The following VWF variants were observed in gnomAD, a reference collection of about 807,000 sequenced individuals.
VWF encodes the protein Factor VIII related antigen.
In VWF, 176 loss-of-function variants were observed where a neutral mutation model predicts 308.6. The ratio of observed to expected loss-of-function variants is 0.57; its 90% CI spans 0.50 to 0.65. The LOEUF is 0.65. Ranked by LOEUF, VWF falls within the 30% of genes least tolerant of loss-of-function variation. The probability of loss-of-function intolerance (pLI) is 0.00; values close to 1 mark genes in which losing one functional copy is unlikely to be tolerated. For synonymous variants in VWF, 1,385 were observed against 1,443.4 expected, an observed-to-expected ratio of 0.96 and a Z score of 0.92; for missense variants, 3,146 against 3,648.2, an observed-to-expected ratio of 0.86 and a Z score of 3.55.
rs368896272 is a variant in VWF at position 6,064,343 on chromosome 12, G to A, written c.1335C>T (p.Thr445=). Residue 445 remains threonine (T), a synonymous_variant, in exon 12 of 52, where the codon ACC becomes ACT. Coordinates refer to ENST00000261405, the MANE Select transcript of VWF (RefSeq NM_000552.5). ...DRDAVCTRSV[T]VRLPGLHNSL... ...TGTTGTGCAGGCCAGGCAGCCGGAC[G>A]GTGACGGAGCGGGTGCACACAGCGT... 9 of 1,614,022 alleles carry A rather than the reference G, an allele frequency of 5.6e-6. No individual in the cohort carries two copies. Among genetic ancestry groups the A allele is most frequent in the Admixed American group, 3.3e-5 (2 of 60,006 alleles).
At chr12:6,056,772 A>AC in intron 15 of VWF, 85 bp downstream of exon 15, 1 of 1,192,180 alleles carries the variant, frequency 8.4e-7, no homozygotes, top group South Asian at 2.3e-5. Flanking sequence ...TCCACAGGAA[A>AC]CAACGCAGAG....
At chr12:6,002,841 A>G (rs1199764542) in intron 34 of VWF, among the ~76,000 whole-genome samples, 2 of 152,030 alleles carry the variant, frequency 1.3e-5, no homozygotes, top group Admixed American at 6.5e-5. Context: ...TTTAACACCA[A>G]TATCTAAACC....
chr12:6,021,821 C>T, intron 27 of VWF, 79 bp downstream of exon 27: 1 of 1,592,144 alleles, frequency 6.3e-7, no homozygotes, highest in Non-Finnish European at 8.6e-7. Flanking sequence ...GGACTTTTTA[C>T]CCAAAACCTA....
chr12:6,055,760 A>G (rs866398191), intron 15 of VWF, among the ~76,000 whole-genome samples: 1 of 76,002 alleles, frequency 1.3e-5, no homozygotes, highest in African/African-American at 4.6e-5. Flanking sequence ...ATATATATGT[A>G]TACACACACA....
intron 6 of VWF, among the ~76,000 whole-genome samples, chr12:6,077,461 G>A (rs1250674427): frequency 6.6e-6 from 1 of 152,230 alleles, no homozygotes; most frequent in Non-Finnish European, 1.5e-5. Context: ...CCACGGCCCT[G>A]CCTTGCCCAA....
chr12:6,036,291 G>C (rs1451562527), intron 19 of VWF, 97 bp downstream of exon 19: 29 of 1,036,648 alleles, frequency 2.8e-5, no homozygotes, highest in Non-Finnish European at 4.1e-5. Context: ...GTTCCCACAG[G>C]GGGCTGGAGG....
In VWF at chr12:6,064,387, G is replaced by T; in HGVS notation, c.1294-3C>A. On this transcript the variant is annotated splice_region_variant and splice_polypyrimidine_tract_variant and intron_variant, in intron 11 of 51. Transcript: ENST00000261405. ...ACAGCGTCGCGGTCATCAGCACACT[G>T]CCAAGAGGGAACACAGGGTGACTTT... 6.2e-7 allele frequency: 1 copy of T among 1,614,016 alleles called. No homozygotes were observed. Among genetic ancestry groups the T allele is most frequent in the Non-Finnish European group, 8.5e-7 (1 of 1,180,020 alleles).
chr12:5,994,133 T>C lies in VWF; in HGVS notation c.6327A>G (p.Thr2109=). 6.2e-7 allele frequency: 1 copy of C among 1,614,174 alleles called. No homozygotes were observed. Among genetic ancestry groups the C allele is most frequent in the Non-Finnish European group, 8.5e-7 (1 of 1,180,034 alleles). Residue 2109 remains threonine (T), a synonymous_variant, in exon 37 of 52, where the codon ACA becomes ACG. Transcript: ENST00000261405. ...GCTGCACAGTCCATTCCTGAACAAG[T>C]GTTTTCCAGTCTGTGGTGACTGTGC... ...RDGTVTTDWK[T]LVQEWTVQRP... is the part of the protein sequence containing the mutation.
At position 5,954,141 on chromosome 12, in the gene VWF, C is replaced by T. The variant is rs148008119; in HGVS notation, c.7888-547G>A. 3.2e-3 allele frequency among the ~76,000 whole-genome samples: 484 copies of T among 152,338 alleles called. 7 individuals carry two copies. Among genetic ancestry groups the T allele is most frequent in the Admixed American group, 0.029 (443 of 15,310 alleles). On this transcript the variant is annotated intron_variant, in intron 47 of 51. Transcript: ENST00000261405. ...TTCATCATTGAGTCTAAATAACCAT[C>T]ATCTACCAGGGACTCTGGTAATAGT...
intron 3 of VWF, among the ~76,000 whole-genome samples, chr12:6,111,180 T>C (rs908512359): frequency 5.9e-5 from 9 of 152,224 alleles, no homozygotes; most frequent in Admixed American, 3.3e-4. Context: ...TCTGGATACA[T>C]TGCCCTCAGG....
intron 49 of VWF, 138 bp downstream of exon 49, chr12:5,952,253 T>C: frequency 8.1e-7 from 1 of 1,240,440 alleles, no homozygotes; most frequent in Non-Finnish European, 1.2e-6. Context: ...GATTTCGTAA[T>C]CTCACTGATT....
intron 3 of VWF, among the ~76,000 whole-genome samples, chr12:6,111,433 T>C (rs2136523311): frequency 6.6e-6 from 1 of 152,320 alleles, no homozygotes; most frequent in South Asian, 2.1e-4. Flanking sequence ...GGTGCAGTGA[T>C]GTGAACATGG....
intron 5 of VWF, among the ~76,000 whole-genome samples, chr12:6,107,125 C>A (rs1271722151): frequency 6.6e-6 from 1 of 152,030 alleles, no homozygotes; most frequent in Admixed American, 6.6e-5. Flanking sequence ...TAACCTCTCA[C>A]GGACCATGTT....
chr12:6,067,836 A>T (rs563666054), intron 10 of VWF, among the ~76,000 whole-genome samples: 65 of 152,302 alleles, frequency 4.3e-4, no homozygotes, highest in Non-Finnish European at 7.4e-4. Context: ...GCATTTAAAA[A>T]AAAAAGAGCA....
intron 34 of VWF, 99 bp from the exon 35 acceptor site, chr12:5,996,321 T>A: frequency 9.1e-7 from 1 of 1,099,914 alleles, no homozygotes. Flanking sequence ...CACAGATAAA[T>A]ACAGTAGAGA....
In VWF at chr12:6,020,516, C is replaced by T. The variant is rs1247667741; in HGVS notation, c.3675-773G>A. On this transcript the variant is annotated intron_variant, in intron 27 of 51. Transcript: ENST00000261405. The surrounding 1 kb of genome is among the most constrained non-coding windows in gnomAD (Gnocchi z 4.3). ...CACAAGTCTGTAGTAGAGCAGTGGC[C>T]CCCCACACACAAATTCCTACACTAC... 6.6e-6 allele frequency among the ~76,000 whole-genome samples: 1 copy of T among 152,226 alleles called. No homozygotes were observed. The highest frequency in any genetic ancestry group is 1.5e-5 in the Non-Finnish European group (1 of 68,046).
rs1268317199 is a variant in VWF, at chr12:6,058,070, G to A, written c.1534-26C>T. 6.2e-6 allele frequency: 10 copies of A among 1,612,626 alleles called. No individual in the cohort carries two copies. The highest frequency in any genetic ancestry group is 2.2e-5 in the East Asian group (1 of 44,874). ...CTGCAGGAGAGACCAGGCCACTCTG[G>A]AGCCGCTGCCGCGAAAGCAGCGGCA... is the stretch of plus-strand genomic sequence containing the variant. On this transcript the variant is annotated intron_variant, in intron 13 of 51. Coordinates refer to ENST00000261405, the MANE Select transcript of VWF (RefSeq NM_000552.5). The surrounding 1 kb of genome is among the most constrained non-coding windows in gnomAD (Gnocchi z 4.9).
At chr12:6,103,829 G>T (rs1163935633) in intron 5 of VWF, among the ~76,000 whole-genome samples, 6 of 151,948 alleles carry the variant, frequency 3.9e-5, no homozygotes, top group Admixed American at 1.3e-4. Context: ...AAAAAACCTT[G>T]GGAAAACTGT....
At chr12:6,044,549 A>AAG in intron 17 of VWF, 98 bp from the exon 18 acceptor site, 1 of 1,470,110 alleles carries the variant, frequency 6.8e-7, no homozygotes, top group South Asian at 1.2e-5. Context: ...GACTAAATTC[A>AAG]AGAGACTCAG....
Sources: gnomAD v4.1 joint callset for allele counts (sites outside exome capture counted in the v4.1 genomes callset) on GRCh38, gnomAD v4.1.1 for gene constraint, Gnocchi (gnomAD v3.1) non-coding constraint, MANE v1.5 for transcripts, NCBI Gene and HGNC (gene_info 2026-07-23, HGNC 2026-07-21) for gene names.